The following SMR3B variants were observed in gnomAD, a reference collection of about 807,000 sequenced individuals.
SMR3B encodes the protein submaxillary gland androgen regulated protein 3B, also known as submaxillary gland androgen-regulated protein 3B.
For synonymous variants in SMR3B, 42 were observed against 36.1 expected (o/e 1.16, Z -0.59); for missense variants, 114 against 99.9 (o/e 1.14, Z -0.60).
At chr4:70,387,852 C>G (rs768792858) in intron 2 of SMR3B, among the ~76,000 whole-genome samples, 1 of 152,154 alleles carries the variant, frequency 6.6e-6, no homozygotes, top group Non-Finnish European at 1.5e-5. Context: ...CACTGAAGGA[C>G]GCTAACTTTC....
In SMR3B at chr4:70,390,198, A is replaced by C; in HGVS notation, c.*350A>C. 1 of 575,168 alleles carries C rather than the reference A, an allele frequency of 1.7e-6. No individual in the cohort carries two copies. Among genetic ancestry groups the C allele is most frequent in the Non-Finnish European group, 3.1e-6 (1 of 322,046 alleles). The allele number at this position is 575,168 out of a possible 1,614,324, so 35.6% of individuals were successfully genotyped here. A position where few individuals can be genotyped will look rare whatever the true frequency, so the allele number is the denominator to read the frequency against. On this transcript the variant is annotated 3_prime_UTR_variant, in exon 3 of 3. Transcript: ENST00000304915. ...GAAATTGTAGAAAAAACCCATGCAG[A>C]CATAACATTTATACCAATGAGGCAA...
intron 1 of SMR3B, among the ~76,000 whole-genome samples, chr4:70,383,480 G>C (rs1352366346): frequency 6.6e-6 from 1 of 152,064 alleles, no homozygotes; most frequent in Non-Finnish European, 1.5e-5. Context: ...TCCTCCTGAT[G>C]TACCTTAAAG....
At chr4:70,389,354 G>A (rs1189979086) in intron 2 of SMR3B, among the ~76,000 whole-genome samples, 2 of 152,024 alleles carry the variant, frequency 1.3e-5, no homozygotes, top group Non-Finnish European at 2.9e-5. Flanking sequence ...TACGAGCCAG[G>A]GGCCACTCTC....
intron 2 of SMR3B, chr4:70,384,928 C>T: frequency 5.7e-6 from 1 of 173,914 alleles, no homozygotes; most frequent in East Asian, 1.6e-4. Flanking sequence ...CCAGAGTCAC[C>T]TAACTCACTT....
Position 70,389,819 on chromosome 4 carries a change from A to G in SMR3B, c.211A>G (p.Ile71Val), listed in dbSNP as rs759302750. The change falls in exon 3 of 3, where the codon ATA becomes GTA. Residue 71 changes from isoleucine to valine, a missense_variant. Transcript: ENST00000304915. ...PPPPAPYGPG[I>V]FPPPPPQP is the part of the protein sequence containing the mutation. ...TCCTCCCGCACCCTATGGTCCAGGG[A>G]TATTTCCACCACCCCCTCCTCAACC... is the stretch of plus-strand genomic sequence containing the variant. 9 of 1,613,646 alleles carry G rather than the reference A, an allele frequency of 5.6e-6. No homozygotes were observed. The Admixed American group carries it at 8.3e-5, about 15-fold the overall frequency.
intron 2 of SMR3B, among the ~76,000 whole-genome samples, chr4:70,385,402 T>G (rs992599932): frequency 1.2e-4 from 16 of 133,038 alleles, no homozygotes; most frequent in African/African-American, 1.5e-4. Context: ...TACTTTGTTT[T>G]TTTTTTTTTT....
At chr4:70,383,298 T>C (rs1365785833) in intron 1 of SMR3B, 86 bp downstream of exon 1, 1 of 152,168 alleles carries the variant, frequency 6.6e-6, no homozygotes, top group African/African-American at 2.4e-5. Flanking sequence ...GATAACATTT[T>C]ATGGGCTTTT....
chr4:70,385,951 A>T lies in SMR3B; in HGVS notation c.54+1387A>T, dbSNP rs543295243. Among the ~76,000 whole-genome samples, 160 of 152,060 alleles carry T rather than the reference A, an allele frequency of 1.1e-3. 2 individuals carry two copies. The South Asian group carries it at 0.032, about 30-fold the overall frequency. ...AAAGTATCAGGCTTTTATTATATAA[A>T]TTTTTTTTTATAAGATTAATTTGAA... On this transcript the variant is annotated intron_variant, in intron 2 of 2. Transcript: ENST00000304915.
chr4:70,383,316 C>A (rs1732589098), intron 1 of SMR3B, 104 bp downstream of exon 1: 1 of 152,028 alleles, frequency 6.6e-6, no homozygotes, highest in South Asian at 2.1e-4. Context: ...TTTCATAGAA[C>A]ATTCATTATC....
rs750476453 is a variant in SMR3B at position 70,389,842 on chromosome 4, A to T, written c.234A>T (p.Gln78His). ...GPGIFPPPPP[Q>H]P ...GGATATTTCCACCACCCCCTCCTCA[A>T]CCCTAAGGTCCACCACTCCATCCTG... The change falls in exon 3 of 3, where the codon CAA (glutamine) becomes CAT (histidine). Residue 78 changes from glutamine (Q) to histidine (H), a missense_variant. By Grantham distance (24) the Gln-to-His change is conservative. Coordinates refer to ENST00000304915, the MANE Select transcript of SMR3B (RefSeq NM_006685.4). 2 of 1,612,750 alleles carry T rather than the reference A, an allele frequency of 1.2e-6. No individual in the cohort carries two copies. Among genetic ancestry groups the T allele is most frequent in the Admixed American group, 3.3e-5 (2 of 59,916 alleles).
chr4:70,388,106 C>A (rs1041284067), intron 2 of SMR3B, among the ~76,000 whole-genome samples: 4 of 152,126 alleles, frequency 2.6e-5, no homozygotes, highest in African/African-American at 9.7e-5. Context: ...TACCCCAGAG[C>A]ATTTGTGTAT....
intron 2 of SMR3B, chr4:70,384,821 C>A: frequency 2.0e-6 from 1 of 488,622 alleles, no homozygotes; most frequent in Non-Finnish European, 3.3e-6. Context: ...TGTTAAGTTC[C>A]CATACTCTAG....
rs754103780 is a variant in SMR3B at position 70,389,947 on chromosome 4, A to T, written c.*99A>T. 44 of 1,595,712 alleles carry T rather than the reference A, an allele frequency of 2.8e-5. No individual in the cohort carries two copies. The highest frequency in any genetic ancestry group is 3.4e-5 in the Non-Finnish European group (40 of 1,163,642). On this transcript the variant is annotated 3_prime_UTR_variant, in exon 3 of 3. Coordinates refer to ENST00000304915, the MANE Select transcript of SMR3B (RefSeq NM_006685.4). ...CTCCATTTTTCCCTGTAAATTCTCC[A>T]ACTGATCCTACCCTCCCTACTCCTG...
At position 70,389,788 on chromosome 4, in the gene SMR3B, A is replaced by G. The variant is rs746092357; in HGVS notation, c.180A>G (p.Pro60=). The change falls in exon 3 of 3, where the codon CCA becomes CCG. Residue 60 remains proline, a synonymous_variant. Coordinates refer to ENST00000304915, the MANE Select transcript of SMR3B (RefSeq NM_006685.4). ...CACCCTATGGTCCAGGGAGAATCCC[A>G]CCTCCTCCTCCCGCACCCTATGGTC... ...PPPPYGPGRI[P]PPPPAPYGPG... is the part of the protein sequence containing the mutation. The G allele has an allele frequency of 6.2e-7, 1 of 1,613,082 alleles. No homozygotes were observed. Among genetic ancestry groups the G allele is most frequent in the Non-Finnish European group, 8.5e-7 (1 of 1,179,716 alleles).
intron 1 of SMR3B, 85 bp from the exon 2 acceptor site, chr4:70,384,412 C>T: frequency 6.3e-7 from 1 of 1,584,336 alleles, no homozygotes; most frequent in South Asian, 1.2e-5. Flanking sequence ...ATTTGTATTA[C>T]ATTATATCCA....
intron 2 of SMR3B, among the ~76,000 whole-genome samples, chr4:70,388,664 A>T (rs1732708242): frequency 6.6e-6 from 1 of 152,086 alleles, no homozygotes; most frequent in Non-Finnish European, 1.5e-5. Flanking sequence ...CATTCCACTC[A>T]TTTCATTTCC....
chr4:70,384,867 A>G (rs1732631660), intron 2 of SMR3B: 1 of 258,786 alleles, frequency 3.9e-6, no homozygotes, highest in South Asian at 9.6e-5. Context: ...ATAAAAATAG[A>G]TAATCAAAAT....
At chr4:70,383,505 T>C (rs1732594418) in intron 1 of SMR3B, among the ~76,000 whole-genome samples, 1 of 152,124 alleles carries the variant, frequency 6.6e-6, no homozygotes, top group Non-Finnish European at 1.5e-5. Context: ...TGAAACTTCA[T>C]AAGGATAGAA....
At chr4:70,386,742 C>T (rs1264619099) in intron 2 of SMR3B, among the ~76,000 whole-genome samples, 1 of 152,134 alleles carries the variant, frequency 6.6e-6, no homozygotes, top group Non-Finnish European at 1.5e-5. Flanking sequence ...ATCAGGATAT[C>T]TTTAGGAGGC....
Sources: gnomAD v4.1 joint callset for allele counts (sites outside exome capture counted in the v4.1 genomes callset) on GRCh38, gnomAD v4.1.1 for gene constraint, MANE v1.5 for transcripts, NCBI Gene and HGNC (gene_info 2026-07-23, HGNC 2026-07-21) for gene names.